The following ARID2 variants were observed in gnomAD, a reference collection of about 807,000 sequenced individuals.
ARID2 encodes the protein AT-rich interaction domain 2.
In ARID2, 32 loss-of-function variants were observed where a neutral mutation model predicts 184.6. The ratio of observed to expected loss-of-function variants is 0.17; its 90% CI spans 0.13 to 0.23. ARID2 has a LOEUF of 0.23. ARID2 is among the 10% of genes least tolerant of loss of function. ARID2 has a pLI of 1.00. For synonymous variants in ARID2, 836 were observed against 772.6 expected (o/e 1.08, Z -1.36); for missense variants, 1,696 against 2,197.6 (o/e 0.77, Z 4.56).
At chr12:45,767,396 T>C (rs1941792640) in intron 3 of ARID2, among the ~76,000 whole-genome samples, 2 of 152,248 alleles carry the variant, frequency 1.3e-5, no homozygotes, top group South Asian at 4.1e-4. Context: ...TTTTTCAATT[T>C]TTTTTCTTTC....
In ARID2 at chr12:45,850,685, A is replaced by C. The variant is rs1215202326; in HGVS notation, c.2562A>C (p.Val854=). The change falls in exon 15 of 21, where the codon GTA becomes GTC. Residue 854 remains valine (V), a synonymous_variant. Coordinates refer to ENST00000334344, the MANE Select transcript of ARID2 (RefSeq NM_152641.4). ...TTATCATAGCACCCCCACAGTATGT[A>C]ACAACTTCTGCATCCAATATTGTCT... ...DTVIIAPPQY[V]TTSASNIVSA... is the part of the protein sequence containing the mutation. 6.2e-7 allele frequency: 1 copy of C among 1,614,088 alleles called. No individual in the cohort carries two copies. The highest frequency in any genetic ancestry group is 1.1e-5 in the South Asian group (1 of 91,088).
chr12:45,764,637 T>G (rs981492503), intron 3 of ARID2, among the ~76,000 whole-genome samples: 13 of 152,224 alleles, frequency 8.5e-5, no homozygotes, highest in Non-Finnish European at 1.2e-4. Flanking sequence ...TAAGCCTGGC[T>G]TCTTTTTCTT....
chr12:45,767,162 T>C (rs142965423), intron 3 of ARID2, among the ~76,000 whole-genome samples: 124 of 152,332 alleles, frequency 8.1e-4, no homozygotes, highest in African/African-American at 2.8e-3. Flanking sequence ...AGTACTGTTA[T>C]ATTCTTATTT....
intron 4 of ARID2, among the ~76,000 whole-genome samples, chr12:45,812,467 A>G (rs575533287): frequency 1.5e-4 from 23 of 152,252 alleles, no homozygotes; most frequent in African/African-American, 5.1e-4. Context: ...AAGAAATAGA[A>G]TCTTCTTTTA....
intron 16 of ARID2, among the ~76,000 whole-genome samples, chr12:45,870,992 G>A (rs1208053225): frequency 2.6e-5 from 4 of 152,132 alleles, no homozygotes; most frequent in Non-Finnish European, 4.4e-5. Flanking sequence ...TATAATTGCT[G>A]GATCATATGA....
At chr12:45,792,957 T>G (rs1407868407) in intron 3 of ARID2, among the ~76,000 whole-genome samples, 1 of 152,150 alleles carries the variant, frequency 6.6e-6, no homozygotes, top group East Asian at 1.9e-4. Context: ...TTAAAAAAAT[T>G]GTTTAGTCTG....
At chr12:45,811,293 T>C in intron 3 of ARID2, 125 bp from the exon 4 acceptor site, 1 of 1,040,100 alleles carries the variant, frequency 9.6e-7, no homozygotes, top group Non-Finnish European at 1.3e-6. Context: ...ATATAAGAGG[T>C]TTATGGTATT....
chr12:45,906,519 T>C lies in ARID2; in HGVS notation c.*1441T>C. 8.6e-6 allele frequency: 2 copies of C among 232,956 alleles called. No homozygotes were observed. The highest frequency in any genetic ancestry group is 1.7e-5 in the Non-Finnish European group (2 of 117,626). The allele number at this position is 232,956 out of a possible 1,614,324, so 14.4% of individuals were successfully genotyped here. A position where few individuals can be genotyped will look rare whatever the true frequency, so the allele number is the denominator to read the frequency against. On this transcript the variant is annotated 3_prime_UTR_variant, in exon 21 of 21. Coordinates refer to ENST00000334344, the MANE Select transcript of ARID2 (RefSeq NM_152641.4). ...TTACTTTGGTGACTGTTTATAGTTT[T>C]TAAATAAAAGACTGAACATTTTCTT...
chr12:45,868,166 C>T (rs759322192), intron 16 of ARID2, among the ~76,000 whole-genome samples: 1 of 152,028 alleles, frequency 6.6e-6, no homozygotes, highest in Non-Finnish European at 1.5e-5. Flanking sequence ...CTTGGCCAGG[C>T]GTGGTGGCTC....
At chr12:45,757,914 C>T (rs906140735) in intron 3 of ARID2, among the ~76,000 whole-genome samples, 3 of 152,066 alleles carry the variant, frequency 2.0e-5, no homozygotes, top group African/African-American at 7.2e-5. Context: ...TTCAATTATC[C>T]GTTAACTCCA....
intron 20 of ARID2, among the ~76,000 whole-genome samples, chr12:45,899,387 G>A (rs1199926734): frequency 2.0e-5 from 3 of 149,058 alleles, no homozygotes; most frequent in African/African-American, 7.4e-5. Context: ...GGCAGATCAC[G>A]AGGTCAGGAG....
chr12:45,828,794 C>G (rs1337664242), intron 6 of ARID2, among the ~76,000 whole-genome samples: 2 of 151,690 alleles, frequency 1.3e-5, no homozygotes, highest in African/African-American at 4.8e-5. Context: ...AAATAATTAT[C>G]TTTTTGATTT....
At chr12:45,895,340 T>C (rs1008596422) in intron 20 of ARID2, among the ~76,000 whole-genome samples, 3 of 152,208 alleles carry the variant, frequency 2.0e-5, no homozygotes, top group African/African-American at 7.2e-5. Flanking sequence ...AACCCTGACC[T>C]GGAGCACAGT....
At chr12:45,747,549 G>A (rs1941382867) in intron 3 of ARID2, among the ~76,000 whole-genome samples, 1 of 151,982 alleles carries the variant, frequency 6.6e-6, no homozygotes, top group Non-Finnish European at 1.5e-5. Flanking sequence ...CTGTCACTTG[G>A]GGAGCTTCTT....
chr12:45,827,206 AGTT>A (rs1366047724), intron 6 of ARID2, among the ~76,000 whole-genome samples: 3 of 151,884 alleles, frequency 2.0e-5, no homozygotes, highest in African/African-American at 4.8e-5. Flanking sequence ...TTTGTGGTAA[AGTT>A]ACACTTTTCA....
intron 12 of ARID2, among the ~76,000 whole-genome samples, chr12:45,848,146 A>G (rs1184294107): frequency 6.6e-6 from 1 of 151,932 alleles, no homozygotes; most frequent in African/African-American, 2.4e-5. Flanking sequence ...TTAGTTTTTC[A>G]GAAAAACTAA....
chr12:45,745,348 T>C (rs1941334470), intron 3 of ARID2, among the ~76,000 whole-genome samples: 1 of 152,088 alleles, frequency 6.6e-6, no homozygotes, highest in African/African-American at 2.4e-5. Flanking sequence ...TCTGGAAGGG[T>C]AGAAATAAGG....
chr12:45,766,041 A>AC (rs937307274), intron 3 of ARID2, among the ~76,000 whole-genome samples: 1 of 152,202 alleles, frequency 6.6e-6, no homozygotes, highest in Non-Finnish European at 1.5e-5. Context: ...GTATTGATAC[A>AC]CCATAATTTG....
At chr12:45,822,984 A>G (rs1185209734) in intron 6 of ARID2, among the ~76,000 whole-genome samples, 2 of 152,216 alleles carry the variant, frequency 1.3e-5, no homozygotes, top group Non-Finnish European at 2.9e-5. Flanking sequence ...ATAGACATTT[A>G]TAGACTATTT....
Sources: allele counts gnomAD v4.1 joint callset (sites outside exome capture counted in the v4.1 genomes callset), GRCh38; gene constraint gnomAD v4.1.1; transcripts MANE v1.5; gene names NCBI Gene and HGNC (gene_info 2026-07-23, HGNC 2026-07-21).